ADGRL2: variants seen among roughly 807,000 people sequenced by gnomAD.
ADGRL2 encodes the protein calcium-independent alpha-latrotoxin receptor 2.
In ADGRL2, 44 loss-of-function variants were observed where a neutral mutation model predicts 157.4. The ratio of observed to expected loss-of-function variants is 0.28; its 90% CI spans 0.22 to 0.36. The LOEUF is 0.36. ADGRL2 is among the 10% of genes least tolerant of loss of function. The pLI is 1.00. For synonymous variants in ADGRL2, 585 were observed against 624.7 expected (o/e 0.94, Z 0.95); for missense variants, 1,510 against 1,768.9 (o/e 0.85, Z 2.63).
chr1:81,858,852 T>C (rs1289363680), intron 2 of ADGRL2, among the ~76,000 whole-genome samples: 2 of 152,238 alleles, frequency 1.3e-5, no homozygotes, highest in Non-Finnish European at 2.9e-5. Flanking sequence ...AGAGTGCTTA[T>C]TTCCTATTGG....
At chr1:81,414,532 G>A (rs2101469668) in intron 1 of ADGRL2, 1 of 152,838 alleles carries the variant, frequency 6.5e-6, no homozygotes, top group African/African-American at 2.4e-5. Context: ...AACAGGATGT[G>A]CTGGTGGGTG....
intron 2 of ADGRL2, among the ~76,000 whole-genome samples, chr1:81,490,033 G>GTAAA (rs1201049159): frequency 6.6e-6 from 1 of 151,658 alleles, no homozygotes; most frequent in Non-Finnish European, 1.5e-5. Context: ...CTCAATAAAG[G>GTAAA]TAAATATGTG....
intron 3 of ADGRL2, among the ~76,000 whole-genome samples, chr1:81,929,523 C>T (rs1019329929): frequency 1.3e-5 from 2 of 152,120 alleles, no homozygotes; most frequent in African/African-American, 4.8e-5. Context: ...ATTAAAACAC[C>T]TCTCACAATA....
chr1:81,379,592 C>T (rs1022615141), intron 1 of ADGRL2, among the ~76,000 whole-genome samples: 1 of 152,126 alleles, frequency 6.6e-6, no homozygotes, highest in Non-Finnish European at 1.5e-5. Context: ...TCAGACTGCT[C>T]GGAGGCCAGG....
intron 4 of ADGRL2, 86 bp downstream of exon 4, chr1:81,936,923 T>C: frequency 2.4e-6 from 2 of 817,970 alleles, no homozygotes; most frequent in Non-Finnish European, 4.2e-6. Context: ...GAAGCATATG[T>C]TTATGGCCTA....
In ADGRL2 at chr1:81,503,615, G is replaced by T. The variant is rs2078903888; in HGVS notation, c.-248+58526G>T. On this transcript the variant is annotated intron_variant, in intron 2 of 24. Coordinates refer to the ADGRL2 transcript ENST00000370721. Reference sequence around the variant, plus strand: ...AGTTTGGACGTGTCCGTCTGTCCAGGCTCCATTCAGGTCCTGCTGTACTCC... The same window carrying T: ...AGTTTGGACGTGTCCGTCTGTCCAGTCTCCATTCAGGTCCTGCTGTACTCC... 9.2e-6 allele frequency: 8 copies of T among 868,092 alleles called. No homozygotes were observed. The South Asian group carries it at 1.2e-4, about 13-fold the overall frequency. The allele number at this position is 868,092 out of a possible 1,614,324, so 53.8% of individuals were successfully genotyped here. A position where few individuals can be genotyped will look rare whatever the true frequency, so the allele number is the denominator to read the frequency against.
At chr1:81,797,134 G>C (rs1479533438), upstream of ADGRL2, among the ~76,000 whole-genome samples, 4 of 152,132 alleles carry the variant, frequency 2.6e-5, no homozygotes, top group Admixed American at 6.5e-5. Context: ...GGAAAAACTA[G>C]TTTCAGCACC....
chr1:81,556,329 T>C (rs2080277885), intron 2 of ADGRL2, among the ~76,000 whole-genome samples: 1 of 142,356 alleles, frequency 7.0e-6, no homozygotes, highest in South Asian at 2.3e-4. Flanking sequence ...TTTTTTTTTT[T>C]TTTTTTTGAG....
At chr1:81,985,100 T>C (rs531133806) in intron 20 of ADGRL2, among the ~76,000 whole-genome samples, 159 bp from the exon 21 acceptor site, 1 of 152,178 alleles carries the variant, frequency 6.6e-6, no homozygotes, top group Non-Finnish European at 1.5e-5. Context: ...AAATAAACAA[T>C]AGATATTGTT....
intron 1 of ADGRL2, among the ~76,000 whole-genome samples, chr1:81,437,809 T>C (rs766558460): frequency 1.3e-5 from 2 of 152,228 alleles, no homozygotes; most frequent in Non-Finnish European, 2.9e-5. Flanking sequence ...GGAGGTTGCA[T>C]GACAATAATA....
intron 1 of ADGRL2, among the ~76,000 whole-genome samples, chr1:81,444,676 T>C (rs769214906): frequency 1.6e-4 from 24 of 152,188 alleles, no homozygotes; most frequent in Non-Finnish European, 3.1e-4. Context: ...CAATGGGCTG[T>C]CTAATGACTA....
chr1:81,952,088 G>C lies in ADGRL2; in HGVS notation c.1740G>C (p.Gln580His). The C allele has an allele frequency of 6.2e-7, 1 of 1,613,342 alleles. No homozygotes were observed. Among genetic ancestry groups the C allele is most frequent in the South Asian group, 1.1e-5 (1 of 91,018 alleles). Reference sequence around the variant, plus strand: ...AGTTGGTGGACATCCTTGATGCACAGCTGCAGGAACTGAAACCTAGTGAAA... The same window carrying C: ...AGTTGGTGGACATCCTTGATGCACACCTGCAGGAACTGAAACCTAGTGAAA... ...MEQLVDILDA[Q>H]LQELKPSEKD... is the part of the protein sequence containing the mutation. Residue 580 changes from glutamine to histidine, a missense_variant, in exon 9 of 24, where the codon CAG becomes CAC. Transcript: ENST00000686636.
At chr1:81,592,657 G>C (rs1452459431) in intron 3 of ADGRL2, among the ~76,000 whole-genome samples, 1 of 152,150 alleles carries the variant, frequency 6.6e-6, no homozygotes, top group African/African-American at 2.4e-5. Flanking sequence ...GAAGGAAGGA[G>C]AGGGCAAAGG....
At chr1:81,504,195 G>T (rs1329679410) in intron 2 of ADGRL2, among the ~76,000 whole-genome samples, 1 of 151,878 alleles carries the variant, frequency 6.6e-6, no homozygotes, top group Non-Finnish European at 1.5e-5. Flanking sequence ...TTCTCTGGCC[G>T]CCCCCCCAAA....
At chr1:81,552,134 C>T (rs2080161438) in intron 2 of ADGRL2, among the ~76,000 whole-genome samples, 1 of 152,096 alleles carries the variant, frequency 6.6e-6, no homozygotes, top group Non-Finnish European at 1.5e-5. Context: ...GGTTCAAATT[C>T]CTCTGTTCAC....
chr1:81,613,067 A>G (rs2081575244), intron 3 of ADGRL2, among the ~76,000 whole-genome samples: 1 of 152,204 alleles, frequency 6.6e-6, no homozygotes. Context: ...TAATAGTATA[A>G]TTTTAAAAGT....
At chr1:81,323,208 C>A (rs112614855) in intron 1 of ADGRL2, among the ~76,000 whole-genome samples, 1 of 151,624 alleles carries the variant, frequency 6.6e-6, no homozygotes, top group South Asian at 2.1e-4. Flanking sequence ...TTATGTATAA[C>A]ATAAACACAG....
chr1:81,766,830 C>CAAAAAAAAAAAAAAAAAAAAAAAA (rs71592740), intron 2 of ADGRL2, among the ~76,000 whole-genome samples: 1 of 81,098 alleles, frequency 1.2e-5, no homozygotes, highest in Non-Finnish European at 2.4e-5. Context: ...AACTCCGTCT[C>CAAAAAAAAAAAAAAAAAAAAAAAA]AAAAAAAAAA....
At chr1:81,447,785 A>G (rs749088065) in intron 2 of ADGRL2, among the ~76,000 whole-genome samples, 26 of 152,140 alleles carry the variant, frequency 1.7e-4, no homozygotes, top group African/African-American at 6.0e-4. Flanking sequence ...TATGGTTTGT[A>G]TCTGTGTCCC....
Sources: allele counts gnomAD v4.1 joint callset (sites outside exome capture counted in the v4.1 genomes callset), GRCh38; gene constraint gnomAD v4.1.1; transcripts MANE v1.5; gene names NCBI Gene and HGNC (gene_info 2026-07-23, HGNC 2026-07-21).